The following MEF2C variants were observed in gnomAD, a reference collection of about 807,000 sequenced individuals.
The protein encoded by MEF2C is myocyte enhancer factor 2C, also known as myocyte-specific enhancer factor 2C.
MEF2C carries 6 observed loss-of-function variants against 50.5 expected under a neutral mutation model. The ratio of observed to expected loss-of-function variants is 0.12; its 90% CI spans 0.07 to 0.23. MEF2C has a LOEUF of 0.23. Ranked by LOEUF, MEF2C falls within the 10% of genes least tolerant of loss-of-function variation. MEF2C has a pLI of 1.00. For synonymous variants in MEF2C, 183 were observed against 228.0 expected, an observed-to-expected ratio of 0.80 and a Z score of 1.78; for missense variants, 276 against 605.0, an observed-to-expected ratio of 0.46 and a Z score of 5.70.
At chr5:88,893,435 T>A (rs770937714) in intron 1 of MEF2C, among the ~76,000 whole-genome samples, 1 of 151,846 alleles carries the variant, frequency 6.6e-6, no homozygotes, top group Non-Finnish European at 1.5e-5. Flanking sequence ...GTTGGCCAGG[T>A]TGGTCTTGAA....
chr5:88,742,766 G>C (rs1767421997), intron 6 of MEF2C: 3 of 985,210 alleles, frequency 3.0e-6, no homozygotes, highest in Non-Finnish European at 3.6e-6. Flanking sequence ...TGAGCCCCTA[G>C]AGAATGGTAT....
At chr5:88,730,182 C>T in intron 8 of MEF2C, 29 bp downstream of exon 8, 1 of 1,574,680 alleles carries the variant, frequency 6.4e-7, no homozygotes. Flanking sequence ...TTGCACATGC[C>T]ATTTGAGGGA....
At position 88,723,753 on chromosome 5, in the gene MEF2C, T is replaced by C. The variant is rs531739880; in HGVS notation, c.1101-828A>G. Among the ~76,000 whole-genome samples the C allele has an allele frequency of 8.5e-5, 13 of 152,356 alleles. 1 individual carries two copies. Among genetic ancestry groups the C allele is most frequent in the South Asian group, 8.3e-4 (4 of 4,832 alleles). ...CTTAGGCTACCACTCCTCTTATTTA[T>C]CATTGGCATTAGTTGATGAATCTGG... is the stretch of plus-strand genomic sequence containing the variant. On this transcript the variant is annotated intron_variant, in intron 10 of 10. Transcript: ENST00000504921.
chr5:88,897,972 G>C (rs1835284042), intron 1 of MEF2C, among the ~76,000 whole-genome samples: 1 of 152,088 alleles, frequency 6.6e-6, no homozygotes, highest in South Asian at 2.1e-4. Flanking sequence ...GCAATCTCAG[G>C]AATCTGCATT....
At chr5:88,876,927 G>C (rs1015864348) in intron 1 of MEF2C, among the ~76,000 whole-genome samples, 2 of 151,874 alleles carry the variant, frequency 1.3e-5, no homozygotes, top group Admixed American at 1.3e-4. Flanking sequence ...GATGCTATTT[G>C]GAAAAAGCAG....
chr5:88,755,323 A>G (rs1012507736), intron 4 of MEF2C, among the ~76,000 whole-genome samples: 2 of 152,188 alleles, frequency 1.3e-5, no homozygotes, highest in African/African-American at 2.4e-5. Flanking sequence ...GACCATAGAT[A>G]TAATTCTTTC....
intron 3 of MEF2C, chr5:88,766,809 T>C: frequency 4.1e-6 from 4 of 985,414 alleles, no homozygotes; most frequent in Non-Finnish European, 4.8e-6. Flanking sequence ...ATTAGTTGCA[T>C]CAATGTCATG....
chr5:88,779,601 T>TG (rs1786735450), intron 3 of MEF2C, among the ~76,000 whole-genome samples: 2 of 148,032 alleles, frequency 1.4e-5, no homozygotes, highest in East Asian at 2.0e-4. Flanking sequence ...TTGTGTAGGT[T>TG]TGTGTGTGTG....
intron 2 of MEF2C, among the ~76,000 whole-genome samples, chr5:88,809,508 C>CA (rs919587884): frequency 4.6e-4 from 70 of 151,272 alleles, no homozygotes; most frequent in Non-Finnish European, 5.9e-4. Flanking sequence ...TGTGGCTGGA[C>CA]AAAAAAAAGT....
In MEF2C at chr5:88,813,509, C is replaced by A. The variant is rs188663994; in HGVS notation, c.55-8708G>T. Among the ~76,000 whole-genome samples, 9 of 150,578 alleles carry A rather than the reference C, an allele frequency of 6.0e-5. No individual in the cohort carries two copies. The East Asian group carries it at 1.2e-3, about 19-fold the overall frequency. On this transcript the variant is annotated intron_variant, in intron 2 of 10. Transcript: ENST00000504921. ...AAGTCACCTCAGAAGAACTTTCCTG[C>A]CATTTTAACTGTGGTAACTGTTCTT...
At chr5:88,863,505 A>G (rs1288539298) in intron 1 of MEF2C, among the ~76,000 whole-genome samples, 2 of 152,246 alleles carry the variant, frequency 1.3e-5, no homozygotes, top group African/African-American at 2.4e-5. Flanking sequence ...CAAGTTCAAG[A>G]TTCACTATTT....
intron 1 of MEF2C, among the ~76,000 whole-genome samples, chr5:88,861,046 A>G (rs953948349): frequency 6.6e-6 from 1 of 152,222 alleles, no homozygotes; most frequent in Non-Finnish European, 1.5e-5. Context: ...GGTCTCACAG[A>G]TGAAAAAAAG....
chr5:88,743,675 G>A lies in MEF2C; in HGVS notation c.637+5395C>T, dbSNP rs529053885. 3.0e-6 allele frequency: 3 copies of A among 985,372 alleles called. No homozygotes were observed. The South Asian group carries it at 1.4e-4, about 46-fold the overall frequency. 61.0% of individuals were successfully genotyped at this position (985,372 alleles called of 1,614,324 possible). A position where few individuals can be genotyped will look rare whatever the true frequency, so the allele number is the denominator to read the frequency against. Reference sequence around the variant, plus strand: ...GTCATGACCTAAGGTCTTGCTAGATGGAGTCTTTCCAGAGTCTGGAAACCA... The same window carrying A: ...GTCATGACCTAAGGTCTTGCTAGATAGAGTCTTTCCAGAGTCTGGAAACCA... On this transcript the variant is annotated intron_variant, in intron 6 of 10. Coordinates refer to ENST00000504921, the MANE Select transcript of MEF2C (RefSeq NM_002397.5).
At chr5:88,833,462 GTAGAGAAA>G (rs544697815) in intron 1 of MEF2C, among the ~76,000 whole-genome samples, 2 of 152,114 alleles carry the variant, frequency 1.3e-5, no homozygotes, top group Non-Finnish European at 2.9e-5. Context: ...AAAAAAATCT[GTAGAGAAA>G]TCAGCCAGCC....
At chr5:88,742,566 G>C (rs940202996) in intron 6 of MEF2C, 4 of 982,902 alleles carry the variant, frequency 4.1e-6, no homozygotes, top group African/African-American at 1.8e-5. Context: ...GATAAACAAA[G>C]GGCTCTAAAA....
intron 1 of MEF2C, among the ~76,000 whole-genome samples, chr5:88,860,914 T>C (rs1825278977): frequency 6.6e-6 from 1 of 152,212 alleles, no homozygotes; most frequent in Non-Finnish European, 1.5e-5. Context: ...TTTTTCCAGC[T>C]TCGCCTACAT....
At chr5:88,734,138 A>C (rs1762852731) in intron 6 of MEF2C, 2 of 984,844 alleles carry the variant, frequency 2.0e-6, no homozygotes, top group Non-Finnish European at 2.4e-6. Flanking sequence ...CATTATTGTG[A>C]ATATGTTATG....
At chr5:88,822,665 A>T (rs1167423946) in intron 2 of MEF2C, among the ~76,000 whole-genome samples, 1 of 151,994 alleles carries the variant, frequency 6.6e-6, no homozygotes, top group Non-Finnish European at 1.5e-5. Context: ...TGAATCAATC[A>T]GTTCTAGTCC....
At chr5:88,771,159 T>C (rs545620756) in intron 3 of MEF2C, among the ~76,000 whole-genome samples, 1 of 152,324 alleles carries the variant, frequency 6.6e-6, no homozygotes, top group East Asian at 1.9e-4. Context: ...TTTAATTACT[T>C]CCCACTGGGT....
Sources: allele counts gnomAD v4.1 joint callset (sites outside exome capture counted in the v4.1 genomes callset), GRCh38; gene constraint gnomAD v4.1.1; transcripts MANE v1.5; gene names NCBI Gene and HGNC (gene_info 2026-07-23, HGNC 2026-07-21).